Variants in TUBA1C observed in about 807,000 individuals in gnomAD.
The protein encoded by TUBA1C is tubulin alpha-1C chain.
A neutral mutation model predicts 34.9 loss-of-function variants in TUBA1C; 16 were observed. The observed-to-expected ratio is 0.46, with a 90% CI of 0.31 to 0.70. The LOEUF (loss-of-function observed/expected upper bound fraction) is 0.70. TUBA1C is among the 30% of genes least tolerant of loss of function. TUBA1C has a pLI of 0.05. For missense variants in TUBA1C, 329 were observed against 587.3 expected, an observed-to-expected ratio of 0.56 and a Z score of 4.55; for synonymous variants, 177 against 215.9, an observed-to-expected ratio of 0.82 and a Z score of 1.58.
At chr12:49,262,071 C>T (rs1942845216), upstream of TUBA1C, among the ~76,000 whole-genome samples, 1 of 152,054 alleles carries the variant, frequency 6.6e-6, no homozygotes, top group African/African-American at 2.4e-5. Context: ...CCAATCTCCT[C>T]ATATTGCACA....
chr12:49,260,542 A>G (rs1942831362), upstream of TUBA1C, among the ~76,000 whole-genome samples: 1 of 152,192 alleles, frequency 6.6e-6, no homozygotes, highest in Non-Finnish European at 1.5e-5. Flanking sequence ...GAGAACTTCT[A>G]AAGAATTTGT....
chr12:49,248,561 A>T (rs1029553512), intron 1 of TUBA1C, among the ~76,000 whole-genome samples: 7 of 147,996 alleles, frequency 4.7e-5, no homozygotes, highest in Admixed American at 6.7e-5. Flanking sequence ...ACTCTGTCTC[A>T]GAAAAAAAAA....
At chr12:49,228,131 A>C (rs994818054) in exon 1 of TUBA1C, 67 of 1,535,616 alleles carry the variant, frequency 4.4e-5, no homozygotes, top group Non-Finnish European at 5.6e-5. Flanking sequence ...ATGCACATCC[A>C]GCAAAAGCAG....
intron 1 of TUBA1C, chr12:49,233,692 T>C (rs936179049): frequency 2.0e-5 from 3 of 152,256 alleles, no homozygotes; most frequent in African/African-American, 7.2e-5. Context: ...GAGTGAACCG[T>C]GGTCCGTCCA....
intron 1 of TUBA1C, among the ~76,000 whole-genome samples, chr12:49,249,671 G>A (rs1394722973): frequency 6.7e-6 from 1 of 150,194 alleles, no homozygotes; most frequent in Non-Finnish European, 1.5e-5. Context: ...ACCAGCCTAG[G>A]TAACATGGTG....
chr12:49,271,082 G>A (rs1451020146), intron 3 of TUBA1C, among the ~76,000 whole-genome samples: 1 of 152,154 alleles, frequency 6.6e-6, no homozygotes, highest in Non-Finnish European at 1.5e-5. Context: ...AGCTATTTAG[G>A]GTTCTGGAAC....
intron 1 of TUBA1C, among the ~76,000 whole-genome samples, chr12:49,237,349 C>T (rs1003030793): frequency 1.1e-4 from 16 of 151,028 alleles, no homozygotes; most frequent in Admixed American, 4.6e-4. Context: ...AACCTGGGAG[C>T]GGAGGTTGCG....
chr12:49,229,827 C>T (rs555573064), intron 1 of TUBA1C, among the ~76,000 whole-genome samples: 1 of 151,846 alleles, frequency 6.6e-6, no homozygotes, highest in Non-Finnish European at 1.5e-5. Context: ...GAGTCTTGCT[C>T]TGTCGCCCAG....
intron 1 of TUBA1C, among the ~76,000 whole-genome samples, chr12:49,246,506 C>T (rs1318603239): frequency 2.0e-5 from 3 of 151,302 alleles, no homozygotes; most frequent in Non-Finnish European, 2.9e-5. Context: ...GGTGAAACCC[C>T]GTCTCTACTA....
At chr12:49,256,312 C>A (rs1442468896) in intron 1 of TUBA1C, 3 of 369,308 alleles carry the variant, frequency 8.1e-6, no homozygotes, top group African/African-American at 2.1e-5. Flanking sequence ...TCATTTCGTG[C>A]AGAGTAAAGA....
At chr12:49,270,158 G>A (rs1942972411) in intron 3 of TUBA1C, 182 bp downstream of exon 3, 2 of 1,296,112 alleles carry the variant, frequency 1.5e-6, no homozygotes, top group African/African-American at 1.5e-5. Flanking sequence ...ACAACTATGG[G>A]GTAGAAGTAA....
chr12:49,239,739 G>A (rs1213034290), intron 1 of TUBA1C, among the ~76,000 whole-genome samples: 18 of 152,044 alleles, frequency 1.2e-4, no homozygotes, highest in Admixed American at 1.2e-3. Context: ...CGGGAGGATC[G>A]TGTGAGCCCA....
At position 49,272,411 on chromosome 12, in the gene TUBA1C, C is replaced by T. The variant is rs771693036; in HGVS notation, c.534C>T (p.Ser178=). 6.2e-7 allele frequency: 1 copy of T among 1,613,890 alleles called. No individual in the cohort carries two copies. Among genetic ancestry groups the T allele is most frequent in the Non-Finnish European group, 8.5e-7 (1 of 1,180,024 alleles). The part of the protein sequence containing the change: ...EFSIYPAPQV[S]TAVVEPYNSI... ...CCATTTACCCGGCGCCCCAGGTTTCCACAGCTGTAGTTGAGCCCTACAACT... is the reference window on the plus strand; with the variant it reads ...CCATTTACCCGGCGCCCCAGGTTTCTACAGCTGTAGTTGAGCCCTACAACT... The change falls in exon 4 of 4, where the codon TCC becomes TCT. Residue 178 remains serine, a synonymous_variant. Transcript: ENST00000301072.
At chr12:49,229,491 CT>C (rs1460618869) in intron 1 of TUBA1C, among the ~76,000 whole-genome samples, 1 of 152,114 alleles carries the variant, frequency 6.6e-6, no homozygotes, top group Non-Finnish European at 1.5e-5. Flanking sequence ...AACAGCATCA[CT>C]TGTTTCTTTT....
Position 49,273,703 on chromosome 12 carries a change from G to A in TUBA1C, c.*476G>A, listed in dbSNP as rs991900810. 2.4e-5 allele frequency: 5 copies of A among 209,104 alleles called. No homozygotes were observed. The highest frequency in any genetic ancestry group is 4.9e-5 in the Non-Finnish European group (5 of 102,744). The allele number at this position is 209,104 out of a possible 1,614,324, so 13.0% of individuals were successfully genotyped here. On this transcript the variant is annotated 3_prime_UTR_variant, in exon 4 of 4. Transcript: ENST00000301072. The stretch of plus-strand genomic sequence containing the variant: ...GCTTCTTGGTTTATCTGTTTAATTT[G>A]GGCCTGAATTAAGTGGTTATAGAAT...
rs115933023 is a variant in TUBA1C, at chr12:49,228,109, G to A, written c.156G>A (p.Ala52=). The change falls in exon 1 of 4, where the codon GCG becomes GCA. Residue 52 remains alanine (A), a synonymous_variant. Coordinates refer to the TUBA1C transcript ENST00000541364. ...TCACCAGGACTCTTCAGCTCCCTGCGCCTTTTAACACATGCACATCCAGCA... is the reference window on the plus strand; with the variant it reads ...TCACCAGGACTCTTCAGCTCCCTGCACCTTTTAACACATGCACATCCAGCA... 1,218 of 1,535,652 alleles carry A rather than the reference G, an allele frequency of 7.9e-4. 12 individuals carry two copies. The African/African-American group carries it at 0.01, about 13-fold the overall frequency.
intron 1 of TUBA1C, among the ~76,000 whole-genome samples, chr12:49,244,168 A>G (rs1942645994): frequency 6.6e-6 from 1 of 151,886 alleles, no homozygotes; most frequent in African/African-American, 2.4e-5. Context: ...AAAAAAAAGA[A>G]AAAAAAATCT....
At chr12:49,263,581 G>C (rs568166691), upstream of TUBA1C, among the ~76,000 whole-genome samples, 1 of 152,180 alleles carries the variant, frequency 6.6e-6, no homozygotes, top group Admixed American at 6.5e-5. Flanking sequence ...GCCTGCCTCG[G>C]CCTCCCAAAG....
rs748123194 is a variant in TUBA1C at position 49,273,932 on chromosome 12, CAAA to C, written c.*708_*710del. The C allele has an allele frequency of 7.2e-5, 11 of 153,298 alleles. No homozygotes were observed. Among genetic ancestry groups the C allele is most frequent in the African/African-American group, 2.7e-4 (11 of 41,376 alleles). 9.5% of individuals were successfully genotyped at this position (153,298 alleles called of 1,614,324 possible). A position where few individuals can be genotyped will look rare whatever the true frequency, so the allele number is the denominator to read the frequency against. On this transcript the variant is annotated 3_prime_UTR_variant, in exon 4 of 4. Coordinates refer to ENST00000301072, the MANE Select transcript of TUBA1C (RefSeq NM_032704.5). Reference sequence around the variant, plus strand: ...TGGTGAAAACCCATCTCTACCAAAACAAAAATTTGCATGCTGTGATGGCACCTG... The same window carrying C: ...TGGTGAAAACCCATCTCTACCAAAACAATTTGCATGCTGTGATGGCACCTG...
Sources: allele counts gnomAD v4.1 joint callset (sites outside exome capture counted in the v4.1 genomes callset), GRCh38; gene constraint gnomAD v4.1.1; transcripts MANE v1.5; gene names NCBI Gene and HGNC (gene_info 2026-07-23, HGNC 2026-07-21).